KIF16B: variants seen among roughly 807,000 people sequenced by gnomAD.
KIF16B encodes the protein kinesin family member 16B.
In KIF16B, 98 loss-of-function variants were observed where a neutral mutation model predicts 156.3. The observed-to-expected ratio is 0.63, with a 90% CI of 0.53 to 0.74. KIF16B has a LOEUF of 0.74. Ranked by LOEUF, KIF16B falls within the 30% of genes least tolerant of loss-of-function variation. KIF16B has a pLI of 0.00. For missense variants in KIF16B, 1,421 were observed against 1,606.5 expected (o/e 0.88, Z 1.97); for synonymous variants, 564 against 583.7 (o/e 0.97, Z 0.49).
At chr20:16,483,214 C>A (rs1256141812) in intron 12 of KIF16B, among the ~76,000 whole-genome samples, 1 of 152,160 alleles carries the variant, frequency 6.6e-6, no homozygotes. Flanking sequence ...AAAAGTAGAA[C>A]CAAGGAGAAT....
At position 16,507,865 on chromosome 20, in the gene KIF16B, C is replaced by T. The variant is rs1411033194; in HGVS notation, c.699+93G>A. ...AGTCAGTCACCTTTACCTGCTGCTG[C>T]TCCTGGTTCAACAATGATCAGTCCT... On this transcript the variant is annotated intron_variant, in intron 7 of 25. Transcript: ENST00000354981. 4.5e-6 allele frequency: 6 copies of T among 1,348,218 alleles called. No homozygotes were observed. In the East Asian group the frequency reaches 1.2e-4, roughly 26 times the overall value. The allele number at this position is 1,348,218 out of a possible 1,614,324, so 83.5% of individuals were successfully genotyped here. A position where few individuals can be genotyped will look rare whatever the true frequency, so the allele number is the denominator to read the frequency against.
intron 12 of KIF16B, among the ~76,000 whole-genome samples, chr20:16,481,954 C>T (rs1394884019): frequency 6.6e-6 from 1 of 152,080 alleles, no homozygotes; most frequent in East Asian, 1.9e-4. Context: ...ATGATAGGTA[C>T]GATTACTGTC....
chr20:16,459,470 G>A (rs1217996308), intron 12 of KIF16B, among the ~76,000 whole-genome samples: 2 of 152,070 alleles, frequency 1.3e-5, no homozygotes, highest in East Asian at 3.9e-4. Context: ...CACTTCCCCG[G>A]GCTGTGGAGT....
chr20:16,396,750 TGTC>T (rs1196290110), intron 17 of KIF16B, among the ~76,000 whole-genome samples: 2 of 151,656 alleles, frequency 1.3e-5, no homozygotes, highest in Non-Finnish European at 2.9e-5. Context: ...CTTCCCCGAT[TGTC>T]GGTGACTTCA....
chr20:16,477,046 C>T (rs916600588), intron 12 of KIF16B, among the ~76,000 whole-genome samples: 1 of 152,146 alleles, frequency 6.6e-6, no homozygotes, highest in Non-Finnish European at 1.5e-5. Flanking sequence ...TGCGCCGGGC[C>T]TGGATACCGT....
At chr20:16,351,165 C>T (rs111614848) in intron 23 of KIF16B, among the ~76,000 whole-genome samples, 2 of 152,022 alleles carry the variant, frequency 1.3e-5, no homozygotes, top group African/African-American at 2.4e-5. Context: ...TAGAAACTCT[C>T]GGGAAACAAA....
chr20:16,350,784 C>G (rs530219104), intron 23 of KIF16B, among the ~76,000 whole-genome samples: 1 of 151,742 alleles, frequency 6.6e-6, no homozygotes, highest in South Asian at 2.1e-4. Context: ...ATCACCGAAG[C>G]GCCAGACAGG....
intron 1 of KIF16B, among the ~76,000 whole-genome samples, chr20:16,567,886 A>G (rs2071315763): frequency 6.6e-6 from 1 of 152,312 alleles, no homozygotes; most frequent in South Asian, 2.1e-4. Context: ...CGGGAGGCGG[A>G]GCTTGCAGTG....
chr20:16,467,438 C>G (rs1251276888), intron 12 of KIF16B, among the ~76,000 whole-genome samples: 9 of 152,148 alleles, frequency 5.9e-5, no homozygotes, highest in Admixed American at 5.9e-4. Context: ...TGAAAAACAT[C>G]AGAACCAGGG....
chr20:16,433,753 CATTCAACTACATG>C (rs1293015017), intron 12 of KIF16B, among the ~76,000 whole-genome samples: 1 of 152,138 alleles, frequency 6.6e-6, no homozygotes, highest in Non-Finnish European at 1.5e-5. Flanking sequence ...ATTCAAGCTG[CATTCAACTACATG>C]ATATTATAAA....
chr20:16,362,082 A>C (rs1002515206), intron 22 of KIF16B, among the ~76,000 whole-genome samples: 1 of 152,228 alleles, frequency 6.6e-6, no homozygotes, highest in African/African-American at 2.4e-5. Flanking sequence ...ATTAAGCATG[A>C]ATGCAGACAG....
At chr20:16,494,265 A>T (rs1487078965) in intron 12 of KIF16B, 26 bp downstream of exon 12, 1 of 1,445,496 alleles carries the variant, frequency 6.9e-7, no homozygotes, top group Non-Finnish European at 9.6e-7. Flanking sequence ...CCATAGTAAG[A>T]CTAAACACAT....
chr20:16,338,887 C>T (rs1001853054), intron 23 of KIF16B, among the ~76,000 whole-genome samples: 24 of 152,288 alleles, frequency 1.6e-4, no homozygotes, highest in African/African-American at 5.5e-4. Flanking sequence ...CACCTCTCTC[C>T]ATCCTCTCAG....
At chr20:16,357,844 G>A (rs1337231163) in intron 22 of KIF16B, among the ~76,000 whole-genome samples, 1 of 152,156 alleles carries the variant, frequency 6.6e-6, no homozygotes, top group African/African-American at 2.4e-5. Flanking sequence ...AAAGCAAGAA[G>A]AATTAATTGT....
intron 17 of KIF16B, among the ~76,000 whole-genome samples, chr20:16,394,121 C>T (rs1158886471): frequency 6.6e-6 from 1 of 152,176 alleles, no homozygotes; most frequent in African/African-American, 2.4e-5. Flanking sequence ...CATCATTTCA[C>T]CAGAACAGTC....
rs368898381 is a variant in KIF16B at position 16,380,127 on chromosome 20, T to C, written c.1875A>G (p.Ser625=). 6.6e-7 allele frequency: 1 copy of C among 1,515,042 alleles called. No homozygotes were observed. The highest frequency in any genetic ancestry group is 1.4e-5 in the African/African-American group (1 of 71,592). 93.8% of individuals were successfully genotyped at this position (1,515,042 alleles called of 1,614,324 possible). The part of the protein sequence containing the change: ...LIEEMEEKQK[S]DKAELERMQQ... Reference sequence around the variant, plus strand: ...GCATCCGCTCCAGTTCAGCCTTGTCTGATTTCTGCTTTTCCTCCATTTCTT... The same window carrying C: ...GCATCCGCTCCAGTTCAGCCTTGTCCGATTTCTGCTTTTCCTCCATTTCTT... The change falls in exon 19 of 26, where the codon TCA becomes TCG. Residue 625 remains serine (S), a synonymous_variant. Coordinates refer to ENST00000354981, the MANE Select transcript of KIF16B (RefSeq NM_024704.5).
chr20:16,519,610 G>A (rs915830814), intron 3 of KIF16B, among the ~76,000 whole-genome samples: 22 of 152,298 alleles, frequency 1.4e-4, no homozygotes, highest in African/African-American at 5.1e-4. Context: ...AATTCAGTAG[G>A]TCTTGGAATA....
chr20:16,381,342 T>A, intron 18 of KIF16B, among the ~76,000 whole-genome samples: 1 of 152,142 alleles, frequency 6.6e-6, no homozygotes, highest in South Asian at 2.1e-4. Flanking sequence ...TCTTCAGGCT[T>A]TTTAAAAACT....
At chr20:16,544,225 G>A (rs2070313140) in intron 1 of KIF16B, among the ~76,000 whole-genome samples, 1 of 152,036 alleles carries the variant, frequency 6.6e-6, no homozygotes, top group African/African-American at 2.4e-5. Context: ...ACAAAGACCC[G>A]CCTCTGTGAG....
Sources: allele counts gnomAD v4.1 joint callset (sites outside exome capture counted in the v4.1 genomes callset), GRCh38; gene constraint gnomAD v4.1.1; transcripts MANE v1.5; gene names NCBI Gene and HGNC (gene_info 2026-07-23, HGNC 2026-07-21).